Variants in HTR1F observed in about 807,000 individuals in gnomAD.
HTR1F encodes 5-hydroxytryptamine receptor 1F, also known as 5-hydroxytryptamine (serotonin) receptor 1F, G protein-coupled.
Under a neutral mutation model 24.0 loss-of-function variants are expected in HTR1F, and 17 were observed. That is an observed-to-expected ratio of 0.71 (90% confidence interval 0.48 to 1.06). The LOEUF is 1.06. HTR1F is among the 50% of genes least tolerant of loss of function. The pLI, the probability that HTR1F is intolerant of heterozygous loss-of-function variation, is 0.00. For synonymous variants in HTR1F, 186 were observed against 156.8 expected, an observed-to-expected ratio of 1.19 and a Z score of -1.39; for missense variants, 391 against 427.8, an observed-to-expected ratio of 0.91 and a Z score of 0.76.
At chr3:87,798,633 C>T (rs1159232903) in intron 1 of HTR1F, among the ~76,000 whole-genome samples, 2 of 152,006 alleles carry the variant, frequency 1.3e-5, no homozygotes, top group Non-Finnish European at 2.9e-5. Context: ...TCACCAGCTC[C>T]TCCACTCCCA....
rs1485885945 is a variant in HTR1F at position 87,993,060 on chromosome 3, A to G, written c.*1210A>G. 6.0e-6 allele frequency: 1 copy of G among 167,030 alleles called. No individual in the cohort carries two copies. The highest frequency in any genetic ancestry group is 1.9e-4 in the East Asian group (1 of 5,206). The allele number at this position is 167,030 out of a possible 1,614,324, so 10.3% of individuals were successfully genotyped here. ...TGAAAACAATAGAACCATGAGTTTGAGAGGATTTTATTTTATTTGAACCAG... is the reference window on the plus strand; with the variant it reads ...TGAAAACAATAGAACCATGAGTTTGGGAGGATTTTATTTTATTTGAACCAG... On this transcript the variant is annotated 3_prime_UTR_variant, in exon 3 of 3. Coordinates refer to ENST00000319595, the MANE Select transcript of HTR1F (RefSeq NM_001322209.2).
At chr3:87,954,862 T>C (rs1704910776) in intron 2 of HTR1F, among the ~76,000 whole-genome samples, 1 of 151,548 alleles carries the variant, frequency 6.6e-6, no homozygotes, top group South Asian at 2.1e-4. Flanking sequence ...TATTAAACTT[T>C]CAACTCATTT....
At chr3:87,799,471 A>C (rs967839794) in intron 1 of HTR1F, among the ~76,000 whole-genome samples, 1 of 152,252 alleles carries the variant, frequency 6.6e-6, no homozygotes, top group Non-Finnish European at 1.5e-5. Flanking sequence ...AAATGATAAA[A>C]AGAATATAGC....
At chr3:87,985,659 A>T (rs908756562) in intron 2 of HTR1F, among the ~76,000 whole-genome samples, 11 of 152,260 alleles carry the variant, frequency 7.2e-5, no homozygotes, top group African/African-American at 2.4e-4. Context: ...TATTCTAATT[A>T]AAACAGCCAA....
chr3:87,848,904 T>C (rs1406001300), intron 2 of HTR1F, among the ~76,000 whole-genome samples: 1 of 151,476 alleles, frequency 6.6e-6, no homozygotes, highest in Non-Finnish European at 1.5e-5. Flanking sequence ...TTACAAGGGA[T>C]GTGAAGGACC....
chr3:87,937,878 C>T (rs1479128119), intron 2 of HTR1F, among the ~76,000 whole-genome samples: 3 of 149,100 alleles, frequency 2.0e-5, no homozygotes, highest in Non-Finnish European at 3.0e-5. Context: ...GAGCCGAGAT[C>T]GTGCCACTGC....
chr3:87,917,779 CTACCAGACATTCAAAGATAAATTGG>C (rs1703927975), intron 2 of HTR1F, among the ~76,000 whole-genome samples: 1 of 151,874 alleles, frequency 6.6e-6, no homozygotes, highest in South Asian at 2.1e-4. Context: ...CAGCTAAATT[CTACCAGACATTCAAAGATAAATTGG>C]TACCAATCCT....
intron 2 of HTR1F, among the ~76,000 whole-genome samples, chr3:87,883,572 A>G (rs1336829172): frequency 1.3e-5 from 2 of 151,990 alleles, no homozygotes; most frequent in South Asian, 2.1e-4. Context: ...ACTAAAAACT[A>G]GAAACTAAAA....
chr3:87,930,226 G>A (rs1166070801), intron 2 of HTR1F, among the ~76,000 whole-genome samples: 1 of 152,150 alleles, frequency 6.6e-6, no homozygotes, highest in Non-Finnish European at 1.5e-5. Flanking sequence ...AGTGTCATCT[G>A]CAAACAGTGA....
intron 2 of HTR1F, among the ~76,000 whole-genome samples, chr3:87,843,483 G>A (rs189741256): frequency 2.0e-5 from 3 of 149,554 alleles, no homozygotes; most frequent in African/African-American, 7.4e-5. Context: ...ACCTACCACT[G>A]GCCCTTCACC....
At chr3:87,803,272 T>A (rs1324329803) in intron 1 of HTR1F, among the ~76,000 whole-genome samples, 1 of 152,156 alleles carries the variant, frequency 6.6e-6, no homozygotes, top group Non-Finnish European at 1.5e-5. Context: ...GGCCTTCAAG[T>A]GTAAGGATTA....
intron 2 of HTR1F, among the ~76,000 whole-genome samples, chr3:87,941,755 C>A (rs1310646546): frequency 6.6e-6 from 1 of 152,138 alleles, no homozygotes; most frequent in Non-Finnish European, 1.5e-5. Context: ...GGACTATAAA[C>A]CACTCTGCTT....
intron 2 of HTR1F, among the ~76,000 whole-genome samples, chr3:87,877,118 A>G (rs1357484732): frequency 2.0e-5 from 3 of 152,174 alleles, no homozygotes; most frequent in Non-Finnish European, 4.4e-5. Context: ...AAACTGATAT[A>G]GAAGCATACA....
chr3:87,976,042 C>T lies in HTR1F; in HGVS notation c.-42-14666C>T, dbSNP rs146083813. Among the ~76,000 whole-genome samples, 19 of 152,280 alleles carry T rather than the reference C, an allele frequency of 1.2e-4. No homozygotes were observed. In the East Asian group the frequency reaches 3.7e-3, roughly 29 times the overall value. ...GTATTAATCATTTGTCTTGTTTATG[C>T]TACTCAGTTAATCAGCTGGTACTTA... On this transcript the variant is annotated intron_variant, in intron 2 of 2. Transcript: ENST00000319595.
intron 2 of HTR1F, among the ~76,000 whole-genome samples, chr3:87,951,022 T>A (rs1005684497): frequency 2.6e-4 from 39 of 152,270 alleles, no homozygotes; most frequent in African/African-American, 8.7e-4. Flanking sequence ...TTCATCCTGG[T>A]ATCTGCAACT....
At chr3:87,872,777 A>G (rs1705586515) in intron 2 of HTR1F, among the ~76,000 whole-genome samples, 1 of 152,100 alleles carries the variant, frequency 6.6e-6, no homozygotes, top group African/African-American at 2.4e-5. Context: ...ACCTATGATT[A>G]TTAAGATTAA....
chr3:87,892,700 T>C (rs1946570), intron 2 of HTR1F, among the ~76,000 whole-genome samples: 31,462 of 152,048 alleles, frequency 0.21, 3,952 homozygotes, highest in African/African-American at 0.36. Flanking sequence ...ATCTAGAGAA[T>C]AGTGCATGTT....
At chr3:87,842,332 T>A (rs1704826957) in intron 2 of HTR1F, among the ~76,000 whole-genome samples, 1 of 151,646 alleles carries the variant, frequency 6.6e-6, no homozygotes. Flanking sequence ...GGCTAATTTT[T>A]TTTGTATTTT....
chr3:87,883,227 G>A (rs947508546), intron 2 of HTR1F, among the ~76,000 whole-genome samples: 4 of 152,162 alleles, frequency 2.6e-5, no homozygotes, highest in Non-Finnish European at 4.4e-5. Context: ...GCAGCTGAGC[G>A]ACCTGACTGT....
Sources: allele counts gnomAD v4.1 joint callset (sites outside exome capture counted in the v4.1 genomes callset), GRCh38; gene constraint gnomAD v4.1.1; transcripts MANE v1.5; gene names NCBI Gene and HGNC (gene_info 2026-07-23, HGNC 2026-07-21).